BTK: variants seen among roughly 807,000 people sequenced by gnomAD.
BTK encodes the protein tyrosine-protein kinase BTK.
BTK carries 5 observed loss-of-function variants against 57.4 expected under a neutral mutation model. The observed-to-expected ratio is 0.09, with a 90% CI of 0.05 to 0.18. The LOEUF is 0.18. Among genes scored for constraint, BTK ranks in the 10% least tolerant of loss-of-function variants. The pLI is 1.00. For synonymous variants in BTK, 154 were observed against 174.3 expected, an observed-to-expected ratio of 0.88 and a Z score of 0.92; for missense variants, 194 against 501.2, an observed-to-expected ratio of 0.39 and a Z score of 5.85.
intron 1 of BTK, among the ~76,000 whole-genome samples, chrX:101,377,136 G>GA (rs1416633451): frequency 1.8e-5 from 2 of 111,375 alleles, no homozygotes; most frequent in Non-Finnish European, 3.8e-5. Context: ...CACACACCCT[G>GA]ACTCCCTGGT....
At chrX:101,378,562 C>T (rs1414398517) in intron 1 of BTK, among the ~76,000 whole-genome samples, 1 of 107,867 alleles carries the variant, frequency 9.3e-6, no homozygotes, top group Non-Finnish European at 1.9e-5. Context: ...CACACACACA[C>T]ACCACTGTTG....
intron 3 of BTK, among the ~76,000 whole-genome samples, chrX:101,374,089 T>C (rs190670713): frequency 3.3e-3 from 364 of 111,261 alleles, no homozygotes; most frequent in Admixed American, 5.7e-3. Flanking sequence ...GAAATTGATA[T>C]ATATTTTTTA....
chrX:101,351,430 G>A (rs1481539860), intron 18 of BTK, among the ~76,000 whole-genome samples: 1 of 111,717 alleles, frequency 9.0e-6, no homozygotes, highest in East Asian at 2.8e-4. Context: ...CTGATTGGGA[G>A]GGAGCATAGC....
In BTK at chrX:101,359,982, T is replaced by TATATATATAAATATATATAAA. The variant is rs1462043931; in HGVS notation, c.839+85_839+105dup. The TATATATATAAATATATATAAA allele has an allele frequency of 1.6e-4, 33 of 202,989 alleles. No individual in the cohort carries two copies. In the Middle Eastern group the frequency reaches 5.5e-3, roughly 34 times the overall value. 16.7% of individuals were successfully genotyped at this position (202,989 alleles called of 1,213,427 possible). A position where few individuals can be genotyped will look rare whatever the true frequency, so the allele number is the denominator to read the frequency against. ...CATATATACACTTGTGTGTGTTATA[T>TATATATATAAATATATATAAA]ATATATATAAATATATATAAAATAT... On this transcript the variant is annotated intron_variant, in intron 9 of 18. Transcript: ENST00000308731.
At chrX:101,389,308 A>T (rs782335873), upstream of BTK, among the ~76,000 whole-genome samples, 52 of 111,658 alleles carry the variant, frequency 4.7e-4, no homozygotes, top group Non-Finnish European at 8.1e-4. Flanking sequence ...AAAGCCACAT[A>T]ACACCAGATA....
At chrX:101,354,757 T>G (rs1926410969) in intron 15 of BTK, 63 bp from the exon 16 acceptor site, 1 of 1,072,799 alleles carries the variant, frequency 9.3e-7, no homozygotes, top group South Asian at 1.9e-5. Flanking sequence ...GGCACAAAGC[T>G]TCTGCTGACC....
chrX:101,357,590 C>CAG lies in BTK; in HGVS notation c.1103-9_1103-8dup. On this transcript the variant is annotated splice_region_variant and splice_polypyrimidine_tract_variant and intron_variant, in intron 12 of 18. Transcript: ENST00000308731. ...TTGAGCCTGGATATGAGTCCTGAAA[C>CAG]AGAGAGAGAGGTCATGCTGTTGGTG... 1 of 1,202,579 alleles carries CAG rather than the reference C, an allele frequency of 8.3e-7. No individual in the cohort carries two copies. The highest frequency in any genetic ancestry group is 1.1e-6 in the Non-Finnish European group (1 of 887,408).
At chrX:101,372,117 G>A (rs1927053926) in intron 3 of BTK, among the ~76,000 whole-genome samples, 1 of 111,790 alleles carries the variant, frequency 8.9e-6, no homozygotes, top group Non-Finnish European at 1.9e-5. Context: ...CCTGTGGGAG[G>A]CAAGCTTTTT....
At chrX:101,383,256 C>T (rs781921018) in intron 1 of BTK, among the ~76,000 whole-genome samples, 1 of 111,098 alleles carries the variant, frequency 9.0e-6, no homozygotes, top group South Asian at 3.8e-4. Flanking sequence ...TCCATCCATC[C>T]GTTCAAGGTA....
intron 5 of BTK, among the ~76,000 whole-genome samples, chrX:101,363,943 A>T (rs1555979113): frequency 1.0e-5 from 1 of 99,689 alleles, no homozygotes; most frequent in East Asian, 3.1e-4. Context: ...ATTATTGGAG[A>T]TGGGGTCTTC....
At chrX:101,355,839 C>G (rs986834158) in intron 15 of BTK, 1 of 461,494 alleles carries the variant, frequency 2.2e-6, no homozygotes. Context: ...AGTGACTGCT[C>G]TGATTCCCAC....
intron 1 of BTK, among the ~76,000 whole-genome samples, chrX:101,376,911 T>C (rs1194824065): frequency 9.0e-6 from 1 of 111,054 alleles, no homozygotes; most frequent in Non-Finnish European, 1.9e-5. Flanking sequence ...ATCCACACTG[T>C]TATTTTGCTC....
intron 6 of BTK, 67 bp from the exon 7 acceptor site, chrX:101,362,307 T>G (rs2147435500): frequency 8.7e-7 from 1 of 1,149,034 alleles, no homozygotes; most frequent in Non-Finnish European, 1.2e-6. Flanking sequence ...ACAGGTTTGG[T>G]CAGGGACTTT....
chrX:101,380,140 T>C lies in BTK; in HGVS notation c.-30-4826A>G, dbSNP rs374303478. Among the ~76,000 whole-genome samples, 18 of 111,661 alleles carry C rather than the reference T, an allele frequency of 1.6e-4. No homozygotes were observed. The East Asian group carries it at 4.5e-3, about 28-fold the overall frequency. On this transcript the variant is annotated intron_variant, in intron 1 of 18. Coordinates refer to ENST00000308731, the MANE Select transcript of BTK (RefSeq NM_000061.3). ...CTATTTTTTTGAGACAGGGTCTCAC[T>C]CTGTCACCCAGGATGGAGTGCAGTA...
At chrX:101,390,701 C>A (rs1454463595), upstream of BTK, 49 of 461,341 alleles carry the variant, frequency 1.1e-4, no homozygotes, top group Non-Finnish European at 1.7e-4. Context: ...TGGCTTCCCT[C>A]GGGGACGGGG....
Position 101,364,987 on chromosome X carries a change from GC to G in BTK, c.392-2299del, listed in dbSNP as rs372369947. On this transcript the variant is annotated intron_variant, in intron 5 of 18. Coordinates refer to ENST00000308731, the MANE Select transcript of BTK (RefSeq NM_000061.3). The stretch of plus-strand genomic sequence containing the variant: ...GAACTTCTGACCTCGTGATTCACCC[GC>G]CCCCCATCGCCCCTCAAAGTGTTGG... 7.1e-3 allele frequency among the ~76,000 whole-genome samples: 793 copies of G among 111,144 alleles called. 7 individuals are homozygous for G. Among genetic ancestry groups the G allele is most frequent in the African/African-American group, 0.024 (735 of 30,580 alleles).
At chrX:101,390,133 A>T (rs782468748), upstream of BTK, among the ~76,000 whole-genome samples, 1 of 112,139 alleles carries the variant, frequency 8.9e-6, no homozygotes, top group Non-Finnish European at 1.9e-5. Context: ...TAAAATGAGA[A>T]TAATAGTACC....
Position 101,349,619 on chromosome X carries a change from C to G in BTK, c.*266G>C. 2.8e-6 allele frequency: 1 copy of G among 353,541 alleles called. No individual in the cohort carries two copies. Among genetic ancestry groups the G allele is most frequent in the Non-Finnish European group, 4.9e-6 (1 of 202,713 alleles). 29.1% of individuals were successfully genotyped at this position (353,541 alleles called of 1,213,427 possible). A position where few individuals can be genotyped will look rare whatever the true frequency, so the allele number is the denominator to read the frequency against. On this transcript the variant is annotated 3_prime_UTR_variant, in exon 19 of 19. Transcript: ENST00000308731. ...CCCTTTGTGCGGCTATTTACATCCTCCCTCCTAAAAAATATTTTCATCGCA... is the reference window on the plus strand; with the variant it reads ...CCCTTTGTGCGGCTATTTACATCCTGCCTCCTAAAAAATATTTTCATCGCA...
Position 101,362,218 on chromosome X carries a change from G to A in BTK, c.543C>T (p.His181=), listed in dbSNP as rs1555978792. ...GGGGAAGAGGCTTTTTTGTCTTCCG[G>A]TGAGAACTCCCAGGTTTTAAGCCTG... ...RNGSLKPGSS[H]RKTKKPLPPT... The change falls in exon 7 of 19, where the codon CAC becomes CAT. Residue 181 remains histidine, a synonymous_variant. Coordinates refer to ENST00000308731, the MANE Select transcript of BTK (RefSeq NM_000061.3). 5.0e-6 allele frequency: 6 copies of A among 1,211,905 alleles called. No homozygotes were observed. Among genetic ancestry groups the A allele is most frequent in the Non-Finnish European group, 6.7e-6 (6 of 895,500 alleles).
Sources: gnomAD v4.1 joint callset for allele counts (sites outside exome capture counted in the v4.1 genomes callset) on GRCh38, gnomAD v4.1.1 for gene constraint, MANE v1.5 for transcripts, NCBI Gene and HGNC (gene_info 2026-07-23, HGNC 2026-07-21) for gene names.